Variants in CERKL observed in about 807,000 individuals in gnomAD.
CERKL encodes ceramide kinase-like protein.
A neutral mutation model predicts 63.4 loss-of-function variants in CERKL; 61 were observed. That is an observed-to-expected ratio of 0.96 (90% CI 0.78 to 1.19). The LOEUF (loss-of-function observed/expected upper bound fraction) is 1.19, where lower values mean the gene tolerates loss of function less well. CERKL is among the 50% of genes most tolerant of loss of function. The probability of loss-of-function intolerance (pLI) is 0.00; values close to 1 mark genes in which losing one functional copy is unlikely to be tolerated. For synonymous variants in CERKL, 250 were observed against 230.5 expected, an observed-to-expected ratio of 1.08 and a Z score of -0.77; for missense variants, 675 against 655.5, an observed-to-expected ratio of 1.03 and a Z score of -0.33.
At chr2:181,539,342 T>C (rs938126497) in intron 11 of CERKL, 78 bp from the exon 12 acceptor site, 1 of 902,072 alleles carries the variant, frequency 1.1e-6, no homozygotes, top group East Asian at 2.5e-5. Flanking sequence ...CTGAGCCCTC[T>C]CTCACAAGTA....
intron 11 of CERKL, among the ~76,000 whole-genome samples, chr2:181,540,328 C>T (rs1234513603): frequency 2.6e-5 from 4 of 152,178 alleles, no homozygotes; most frequent in Admixed American, 6.5e-5. Flanking sequence ...CATAATCATT[C>T]ATGTTAGTTG....
chr2:181,624,797 T>C (rs537201419), intron 1 of CERKL, among the ~76,000 whole-genome samples: 1 of 152,282 alleles, frequency 6.6e-6, no homozygotes, highest in South Asian at 2.1e-4. Context: ...ATCAGAATAA[T>C]GAAGTTCCCA....
chr2:181,570,703 A>C (rs561235640), intron 3 of CERKL, among the ~76,000 whole-genome samples: 2 of 152,314 alleles, frequency 1.3e-5, no homozygotes, highest in African/African-American at 4.8e-5. Flanking sequence ...AGCACAACCC[A>C]AAATGAAAGA....
At chr2:181,575,192 C>A (rs533388433) in intron 2 of CERKL, among the ~76,000 whole-genome samples, 2 of 152,336 alleles carry the variant, frequency 1.3e-5, no homozygotes, top group South Asian at 2.1e-4. Flanking sequence ...CCTTCCACTG[C>A]ATCCTTTGGC....
At position 181,636,809 on chromosome 2, in the gene CERKL, G is replaced by A. The variant is rs1003812660; in HGVS notation, c.238+19960C>T. 4.6e-5 allele frequency among the ~76,000 whole-genome samples: 7 copies of A among 151,948 alleles called. No homozygotes were observed. In the South Asian group the frequency reaches 6.2e-4, roughly 14 times the overall value. The stretch of plus-strand genomic sequence containing the variant: ...CTTTTCCTGACTTCCCCCTCAGCCC[G>A]CCCAACAGAGAATGATTTTCTCCTT... On this transcript the variant is annotated intron_variant, in intron 1 of 12. Coordinates refer to ENST00000410087, the MANE Select transcript of CERKL (RefSeq NM_201548.5).
chr2:181,557,183 T>C (rs574953785), intron 5 of CERKL, among the ~76,000 whole-genome samples: 7 of 152,334 alleles, frequency 4.6e-5, no homozygotes, highest in Admixed American at 1.3e-4. Context: ...TCTCCCTTTC[T>C]GTAGGTTGCC....
At chr2:181,625,116 A>G (rs1686627053) in intron 1 of CERKL, among the ~76,000 whole-genome samples, 1 of 152,180 alleles carries the variant, frequency 6.6e-6, no homozygotes, top group Non-Finnish European at 1.5e-5. Context: ...AGACTGGGAA[A>G]AAGCAGCCCA....
At chr2:181,604,851 A>G (rs958596029) in intron 1 of CERKL, among the ~76,000 whole-genome samples, 9 of 143,096 alleles carry the variant, frequency 6.3e-5, no homozygotes, top group African/African-American at 2.7e-4. Context: ...GAATTTAACC[A>G]TAATCAGACT....
At chr2:181,643,051 C>T (rs1478330058) in intron 1 of CERKL, among the ~76,000 whole-genome samples, 1 of 152,168 alleles carries the variant, frequency 6.6e-6, no homozygotes, top group Non-Finnish European at 1.5e-5. Flanking sequence ...ATTAGAAATT[C>T]ATGAGGGCTC....
chr2:181,609,089 A>G (rs1685843927), intron 1 of CERKL, among the ~76,000 whole-genome samples: 1 of 152,162 alleles, frequency 6.6e-6, no homozygotes, highest in Non-Finnish European at 1.5e-5. Context: ...CATATTTTCC[A>G]TGCCAGTATT....
At chr2:181,656,691 C>G in intron 1 of CERKL, 78 bp downstream of exon 1, 1 of 1,237,238 alleles carries the variant, frequency 8.1e-7, no homozygotes, top group Non-Finnish European at 1.1e-6. Context: ...GGAGCAAAAG[C>G]TCGTGGGTGT....
At chr2:181,597,443 C>T (rs1574483854) in intron 2 of CERKL, among the ~76,000 whole-genome samples, 1 of 152,094 alleles carries the variant, frequency 6.6e-6, no homozygotes, top group Non-Finnish European at 1.5e-5. Flanking sequence ...AAGTTACTGT[C>T]AAATGGACAA....
At chr2:181,637,693 A>G (rs1687241325) in intron 1 of CERKL, among the ~76,000 whole-genome samples, 1 of 152,226 alleles carries the variant, frequency 6.6e-6, no homozygotes, top group Admixed American at 6.5e-5. Flanking sequence ...CCTAGAATAT[A>G]GTTTGTTTAG....
intron 3 of CERKL, among the ~76,000 whole-genome samples, chr2:181,567,379 C>T (rs533523432): frequency 3.9e-5 from 6 of 152,010 alleles, no homozygotes; most frequent in Non-Finnish European, 8.8e-5. Flanking sequence ...ATCAGTTCAC[C>T]AAGCCTTACT....
intron 5 of CERKL, among the ~76,000 whole-genome samples, chr2:181,556,595 A>T (rs1039857785): frequency 1.3e-5 from 2 of 152,192 alleles, no homozygotes; most frequent in African/African-American, 4.8e-5. Context: ...ATGGCTGCAT[A>T]GTATTCCATG....
chr2:181,538,191 G>A lies in CERKL; in HGVS notation c.1592C>T (p.Pro531Leu), dbSNP rs763552735. The A allele has an allele frequency of 1.8e-5, 28 of 1,569,168 alleles. No individual in the cohort carries two copies. Among genetic ancestry groups the A allele is most frequent in the East Asian group, 2.2e-5 (1 of 44,604 alleles). The change falls in exon 13 of 13, where the codon CCA becomes CTA. Residue 531 changes from proline to leucine, a missense_variant. Pro to Leu is a moderately conservative substitution (Grantham distance 98). Coordinates refer to ENST00000410087, the MANE Select transcript of CERKL (RefSeq NM_201548.5). The part of the protein sequence containing the change: ...LYGGSMEEMI[P>L]K The stretch of plus-strand genomic sequence containing the variant: ...TTTAGAAACAATTACATGTTACTTT[G>A]GAATCATTTCTTCCATGCTTCCTCC...
At chr2:181,645,562 G>A (rs1687635328) in intron 1 of CERKL, among the ~76,000 whole-genome samples, 1 of 152,208 alleles carries the variant, frequency 6.6e-6, no homozygotes, top group African/African-American at 2.4e-5. Context: ...GAAGGAACTT[G>A]GGTAATTTAG....
At chr2:181,618,108 G>T (rs1686281549) in intron 1 of CERKL, among the ~76,000 whole-genome samples, 2 of 152,138 alleles carry the variant, frequency 1.3e-5, no homozygotes, top group African/African-American at 4.8e-5. Flanking sequence ...ATAGACAAAG[G>T]AGACTCAAGA....
chr2:181,585,209 C>T (rs1033402156), intron 2 of CERKL, among the ~76,000 whole-genome samples: 2 of 152,066 alleles, frequency 1.3e-5, no homozygotes, highest in African/African-American at 2.4e-5. Context: ...AGGATTTAAG[C>T]TCCTTGAGGT....
Sources: allele counts gnomAD v4.1 joint callset (sites outside exome capture counted in the v4.1 genomes callset), GRCh38; gene constraint gnomAD v4.1.1; transcripts MANE v1.5; gene names NCBI Gene and HGNC (gene_info 2026-07-23, HGNC 2026-07-21).